TXNRD1: variants seen among roughly 807,000 people sequenced by gnomAD.
TXNRD1 encodes the protein thioredoxin reductase 1, cytoplasmic.
Under a neutral mutation model 80.3 loss-of-function variants are expected in TXNRD1, and 57 were observed. That is an observed-to-expected ratio of 0.71 (90% CI 0.57 to 0.89). The LOEUF is 0.89. Among genes scored for constraint, TXNRD1 ranks in the 40% least tolerant of loss-of-function variants. The probability of loss-of-function intolerance (pLI) is 0.00; values close to 1 mark genes in which losing one functional copy is unlikely to be tolerated. For synonymous variants in TXNRD1, 291 were observed against 285.2 expected (o/e 1.02, Z -0.20); for missense variants, 730 against 803.0 (o/e 0.91, Z 1.10).
chr12:104,314,691 G>A (rs1046208176), intron 6 of TXNRD1, among the ~76,000 whole-genome samples: 16 of 149,912 alleles, frequency 1.1e-4, no homozygotes, highest in African/African-American at 3.4e-4. Flanking sequence ...AGTGAATGCT[G>A]TAGGCCACCT....
At chr12:104,286,786 G>A (rs746939156) in intron 3 of TXNRD1, 12 of 1,019,752 alleles carry the variant, frequency 1.2e-5, no homozygotes, top group South Asian at 7.4e-5. Context: ...TTTGGTTCCA[G>A]AATTGCCTTA....
intron 2 of TXNRD1, among the ~76,000 whole-genome samples, chr12:104,257,547 C>T (rs2033284562): frequency 6.6e-6 from 1 of 151,848 alleles, no homozygotes; most frequent in Admixed American, 6.6e-5. Flanking sequence ...GCTGAGATTA[C>T]AGGTGCCCAC....
chr12:104,279,166 G>A (rs1299406399), intron 3 of TXNRD1, among the ~76,000 whole-genome samples: 1 of 152,218 alleles, frequency 6.6e-6, no homozygotes, highest in Non-Finnish European at 1.5e-5. Context: ...TGGCTATTGG[G>A]TTGGACAGTG....
In TXNRD1 at chr12:104,221,340, G is replaced by A. The variant is rs190187821; in HGVS notation, c.91+5447G>A. ...ATTTTATTTTATTTTATTTTGAGAC[G>A]GAGTTTCACTCTTGTTGCCCAGGCT... On this transcript the variant is annotated intron_variant, in intron 1 of 16. Coordinates refer to ENST00000525566, the MANE Select transcript of TXNRD1 (RefSeq NM_001093771.3). 2.8e-3 allele frequency among the ~76,000 whole-genome samples: 420 copies of A among 152,002 alleles called. 1 individual carries two copies. The highest frequency in any genetic ancestry group is 9.4e-3 in the African/African-American group (389 of 41,448).
chr12:104,343,181 G>A (rs534103930), intron 16 of TXNRD1, among the ~76,000 whole-genome samples: 20 of 152,066 alleles, frequency 1.3e-4, no homozygotes, highest in Non-Finnish European at 2.8e-4. Flanking sequence ...CGGTGGATGC[G>A]GTAGTATATC....
rs1009045791 is a variant in TXNRD1, at chr12:104,345,935, C to T, written c.1882-2418C>T. On this transcript the variant is annotated intron_variant, in intron 16 of 16. Coordinates refer to ENST00000525566, the MANE Select transcript of TXNRD1 (RefSeq NM_001093771.3). ...TGGAAGGGCATGGAGGCTGCCCCTT[C>T]TGCTCATTTTTTAAAAATACATGTT... The T allele has an allele frequency of 3.9e-6, 5 of 1,286,314 alleles. No homozygotes were observed. The African/African-American group carries it at 7.6e-5, about 20-fold the overall frequency. The allele number at this position is 1,286,314 out of a possible 1,614,324, so 79.7% of individuals were successfully genotyped here. A position where few individuals can be genotyped will look rare whatever the true frequency, so the allele number is the denominator to read the frequency against.
chr12:104,270,146 T>C (rs2033623941), intron 3 of TXNRD1, among the ~76,000 whole-genome samples: 1 of 152,262 alleles, frequency 6.6e-6, no homozygotes, highest in Non-Finnish European at 1.5e-5. Context: ...TGTTGATATA[T>C]TATTGACTTC....
chr12:104,335,831 T>G (rs982731650), intron 15 of TXNRD1, among the ~76,000 whole-genome samples: 1 of 152,232 alleles, frequency 6.6e-6, no homozygotes, highest in African/African-American at 2.4e-5. Context: ...TGTATCCTAT[T>G]TGGAAACTAC....
chr12:104,286,192 A>G (rs541564952), intron 3 of TXNRD1: 10 of 152,040 alleles, frequency 6.6e-5, no homozygotes, highest in Non-Finnish European at 1.5e-4. Flanking sequence ...TCCTTCCTTC[A>G]TTCAGTTATT....
chr12:104,288,965 A>G lies in TXNRD1; in HGVS notation c.339A>G (p.Glu113=), dbSNP rs1375286510. ...GGGCCCTGGAAGGAACGCTCTCGGA[A>G]TTGGCCGCGGAAACCGATCTGCCCG... ...DGRALEGTLS[E]LAAETDLPVV... The change falls in exon 4 of 17, where the codon GAA becomes GAG. Residue 113 remains glutamate (E), a synonymous_variant. Transcript: ENST00000525566. 1 of 1,613,904 alleles carries G rather than the reference A, an allele frequency of 6.2e-7. No individual in the cohort carries two copies. Among genetic ancestry groups the G allele is most frequent in the African/African-American group, 1.3e-5 (1 of 74,952 alleles).
intron 10 of TXNRD1, among the ~76,000 whole-genome samples, chr12:104,324,822 T>C (rs2035699379): frequency 6.6e-6 from 1 of 152,162 alleles, no homozygotes; most frequent in Non-Finnish European, 1.5e-5. Flanking sequence ...AACACCCACA[T>C]CTCCTTGCCC....
At chr12:104,313,207 T>A (rs570715776) in intron 5 of TXNRD1, 38 bp from the exon 6 acceptor site, 1 of 1,514,494 alleles carries the variant, frequency 6.6e-7, no homozygotes, top group African/African-American at 1.4e-5. Flanking sequence ...TCTGTCATGT[T>A]AACCTTTCCA....
At chr12:104,236,839 TA>T (rs1358743179) in intron 1 of TXNRD1, among the ~76,000 whole-genome samples, 1 of 150,012 alleles carries the variant, frequency 6.7e-6, no homozygotes, top group African/African-American at 2.5e-5. Flanking sequence ...GTTATAGGTA[TA>T]TTTAAGGCCT....
rs367913788 is a variant in TXNRD1, at chr12:104,274,244, C to T, written c.305-14687C>T. On this transcript the variant is annotated intron_variant, in intron 3 of 16. Coordinates refer to ENST00000525566, the MANE Select transcript of TXNRD1 (RefSeq NM_001093771.3). ...TAGAGCATTAGAAAGATCCAAGGCT[C>T]CTTCAGGCCCAGCTCCATGAAGTGA... is the stretch of plus-strand genomic sequence containing the variant. Among the ~76,000 whole-genome samples, 23 of 152,210 alleles carry T rather than the reference C, an allele frequency of 1.5e-4. No individual in the cohort carries two copies. In the South Asian group the frequency reaches 4.1e-3, roughly 27 times the overall value.
At chr12:104,295,027 G>A (rs2135760252) in intron 4 of TXNRD1, among the ~76,000 whole-genome samples, 1 of 152,292 alleles carries the variant, frequency 6.6e-6, no homozygotes, top group Non-Finnish European at 1.5e-5. Context: ...GAGGAGGACT[G>A]GAGGATTGCT....
In TXNRD1 at chr12:104,290,047, C is replaced by T. The variant is rs372459202; in HGVS notation, c.414+1007C>T. On this transcript the variant is annotated intron_variant, in intron 4 of 16. Coordinates refer to ENST00000525566, the MANE Select transcript of TXNRD1 (RefSeq NM_001093771.3). Reference sequence around the variant, plus strand: ...AAAACTTCCCGTAGTCCCATCACCACGATCCATGTGATTTTTGTCCTTATC... The same window carrying T: ...AAAACTTCCCGTAGTCCCATCACCATGATCCATGTGATTTTTGTCCTTATC... Among the ~76,000 whole-genome samples, 120 of 152,340 alleles carry T rather than the reference C, an allele frequency of 7.9e-4. 1 individual carries two copies. The highest frequency in any genetic ancestry group is 5.6e-3 in the South Asian group (27 of 4,832).
intron 1 of TXNRD1, among the ~76,000 whole-genome samples, chr12:104,249,011 A>C (rs1051416228): frequency 6.6e-6 from 1 of 152,342 alleles, no homozygotes; most frequent in Admixed American, 6.5e-5. Flanking sequence ...AAATTACAAC[A>C]AGCTAGTTTT....
At chr12:104,226,037 T>C (rs937234579) in intron 1 of TXNRD1, among the ~76,000 whole-genome samples, 1 of 151,852 alleles carries the variant, frequency 6.6e-6, no homozygotes, top group Non-Finnish European at 1.5e-5. Context: ...CCATCTCTAC[T>C]AAAAATGCAA....
intron 16 of TXNRD1, among the ~76,000 whole-genome samples, chr12:104,339,852 C>T (rs2036263431): frequency 6.6e-6 from 1 of 152,168 alleles, no homozygotes; most frequent in South Asian, 2.1e-4. Flanking sequence ...GGAGGAGGCA[C>T]GTCATACTAT....
Sources: allele counts gnomAD v4.1 joint callset (sites outside exome capture counted in the v4.1 genomes callset), GRCh38; gene constraint gnomAD v4.1.1; transcripts MANE v1.5; gene names NCBI Gene and HGNC (gene_info 2026-07-23, HGNC 2026-07-21).